Variants in HSD17B14 observed in about 807,000 individuals in gnomAD.
HSD17B14 encodes the protein hydroxysteroid 17-beta dehydrogenase 14.
A neutral mutation model predicts 32.2 loss-of-function variants in HSD17B14; 32 were observed. The observed-to-expected ratio is 0.99, with a 90% confidence interval of 0.75 to 1.33. The LOEUF (loss-of-function observed/expected upper bound fraction) is 1.33. HSD17B14 is among the 40% of genes most tolerant of loss of function. The pLI, the probability that HSD17B14 is intolerant of heterozygous loss-of-function variation, is 0.00. For missense variants in HSD17B14, 370 were observed against 366.5 expected (o/e 1.01, Z -0.08); for synonymous variants, 140 against 155.4 (o/e 0.90, Z 0.74).
At chr19:48,814,542 A>G (rs1229531105) in intron 6 of HSD17B14, among the ~76,000 whole-genome samples, 1 of 150,918 alleles carries the variant, frequency 6.6e-6, no homozygotes, top group Non-Finnish European at 1.5e-5. Flanking sequence ...GAAAGAAAGA[A>G]AAGAAAAAAC....
chr19:48,829,665 G>C (rs1428116859), intron 5 of HSD17B14, among the ~76,000 whole-genome samples: 1 of 103,800 alleles, frequency 9.6e-6, no homozygotes, highest in Non-Finnish European at 1.9e-5. Flanking sequence ...TTTGTGAGAC[G>C]GAGTTTCCGC....
intron 2 of HSD17B14, 31 bp downstream of exon 2, chr19:48,835,774 C>G: frequency 6.2e-7 from 1 of 1,612,682 alleles, no homozygotes; most frequent in Non-Finnish European, 8.5e-7. Context: ...GGAGGAAGGG[C>G]CAAGGTGAGG....
intron 2 of HSD17B14, among the ~76,000 whole-genome samples, chr19:48,834,752 C>T (rs1345948723): frequency 1.2e-4 from 12 of 102,576 alleles, no homozygotes; most frequent in South Asian, 1.2e-3. Context: ...GGGCTGGGAG[C>T]CTGGACTCCT....
At chr19:48,824,938 T>G (rs1249480285) in intron 5 of HSD17B14, among the ~76,000 whole-genome samples, 2 of 151,956 alleles carry the variant, frequency 1.3e-5, no homozygotes, top group Non-Finnish European at 2.9e-5. Context: ...ATGAAGTTCC[T>G]ACTGATAAAA....
chr19:48,833,334 C>T (rs1487072309), intron 3 of HSD17B14, among the ~76,000 whole-genome samples: 3 of 151,794 alleles, frequency 2.0e-5, no homozygotes, highest in African/African-American at 7.3e-5. Context: ...CCAAGGGGGG[C>T]AGATAACAGA....
chr19:48,834,929 C>A, intron 2 of HSD17B14, among the ~76,000 whole-genome samples: 1 of 55,398 alleles, frequency 1.8e-5, no homozygotes, highest in Non-Finnish European at 3.4e-5. Context: ...GGAGGAAGGG[C>A]TGGGAGCCTG....
chr19:48,816,832 C>CTT (rs1299846573), intron 5 of HSD17B14, among the ~76,000 whole-genome samples: 19 of 41,308 alleles, frequency 4.6e-4, no homozygotes, highest in South Asian at 3.2e-3. Context: ...TCTTTTCTTT[C>CTT]TCTCTCTCTC....
Position 48,835,859 on chromosome 19 carries a change from G to T in HSD17B14, c.89-16C>A. On this transcript the variant is annotated splice_polypyrimidine_tract_variant and intron_variant, in intron 1 of 8. Transcript: ENST00000263278. The stretch of plus-strand genomic sequence containing the variant: ...CCGCTGTTCACTGAGAATAGGAAGG[G>T]AACAGGTTACTCTCCGAGCCTTGGT... The T allele has an allele frequency of 6.2e-7, 1 of 1,613,138 alleles. No individual in the cohort carries two copies. The highest frequency in any genetic ancestry group is 8.5e-7 in the Non-Finnish European group (1 of 1,179,438).
At chr19:48,834,395 G>A (rs1402038830) in intron 2 of HSD17B14, 37 bp from the exon 3 acceptor site, 2 of 1,353,980 alleles carry the variant, frequency 1.5e-6, no homozygotes, top group African/African-American at 1.4e-5. Flanking sequence ...TGGACCCCTG[G>A]GTCTCAGGGA....
chr19:48,819,826 T>C (rs1399266454), intron 5 of HSD17B14, among the ~76,000 whole-genome samples: 1 of 152,190 alleles, frequency 6.6e-6, no homozygotes, highest in Non-Finnish European at 1.5e-5. Flanking sequence ...TACATGTACC[T>C]GGCTCCCTGC....
At position 48,836,372 on chromosome 19, in the gene HSD17B14, C is replaced by T. The variant is rs2035516576; in HGVS notation, c.40G>A (p.Val14Met). Residue 14 changes from valine (V) to methionine (M), a missense_variant, in exon 1 of 9, where the codon GTG becomes ATG. By Grantham distance (21) the Val-to-Met change is conservative. Coordinates refer to ENST00000263278, the MANE Select transcript of HSD17B14 (RefSeq NM_016246.3). ...GTRYAGKVVV[V>M]TGGGRGIGAG... Reference sequence around the variant, plus strand: ...CCGATGCCGCGCCCGCCCCCGGTCACGACCACCACCTTCCCGGCATAGCGC... The same window carrying T: ...CCGATGCCGCGCCCGCCCCCGGTCATGACCACCACCTTCCCGGCATAGCGC... The T allele has an allele frequency of 6.2e-6, 10 of 1,613,800 alleles. No homozygotes were observed. The South Asian group carries it at 1.1e-4, about 18-fold the overall frequency.
chr19:48,831,640 G>C (rs777452733), intron 5 of HSD17B14, 28 bp downstream of exon 5: 1 of 1,535,782 alleles, frequency 6.5e-7, no homozygotes, highest in Non-Finnish European at 9.0e-7. Context: ...GGCTGCTCGG[G>C]CCTGGCGGCA....
Position 48,813,196 on chromosome 19 carries a change from G to T in HSD17B14, c.792C>A (p.Asp264Glu). The T allele has an allele frequency of 6.2e-7, 1 of 1,602,236 alleles. No individual in the cohort carries two copies. The highest frequency in any genetic ancestry group is 2.2e-5 in the East Asian group (1 of 44,670). ...GAAATCAGGAAGGGATATCGGGGGC[G>T]TCCACGGGGGTGCTCCGACTGGCCT... The part of the protein sequence containing the change: ...GCKASRSTPV[D>E]APDIPS Residue 264 changes from aspartate (D) to glutamate (E), a missense_variant, in exon 9 of 9, where the codon GAC becomes GAA. Asp to Glu is a conservative substitution (Grantham distance 45, BLOSUM62 2). Transcript: ENST00000263278.
rs756337654 is a variant in HSD17B14 at position 48,835,806 on chromosome 19, A to G, written c.126T>C (p.Asp42=). ...SGARVVICDK[D]ESGGRALEQE... ...GAGGGCTGAGGGACCGTCACTCACCATCCTTGTCGCAGATAACCACTCGGG... is the reference window on the plus strand; with the variant it reads ...GAGGGCTGAGGGACCGTCACTCACCGTCCTTGTCGCAGATAACCACTCGGG... Residue 42 remains aspartate (D), a splice_region_variant and synonymous_variant, in exon 2 of 9, where the codon GAT becomes GAC. Coordinates refer to ENST00000263278, the MANE Select transcript of HSD17B14 (RefSeq NM_016246.3). 14 of 1,613,510 alleles carry G rather than the reference A, an allele frequency of 8.7e-6. No individual in the cohort carries two copies. Among genetic ancestry groups the G allele is most frequent in the Non-Finnish European group, 7.6e-6 (9 of 1,179,732 alleles).
intron 4 of HSD17B14, 37 bp downstream of exon 4, chr19:48,832,629 A>C (rs1333043382): frequency 6.4e-7 from 1 of 1,571,188 alleles, no homozygotes; most frequent in Non-Finnish European, 8.7e-7. Context: ...GTTGGGGGGC[A>C]GGAGGTGGAG....
Position 48,835,807 on chromosome 19 carries a change from T to A in HSD17B14, c.125A>T (p.Asp42Val). The change falls in exon 2 of 9, where the codon GAT (aspartate) becomes GTT (valine). Residue 42 changes from aspartate (D) to valine (V), a missense_variant and splice_region_variant. By Grantham distance (152) the Asp-to-Val change is radical. Transcript: ENST00000263278. ...AGGGCTGAGGGACCGTCACTCACCATCCTTGTCGCAGATAACCACTCGGGC... is the reference window on the plus strand; with the variant it reads ...AGGGCTGAGGGACCGTCACTCACCAACCTTGTCGCAGATAACCACTCGGGC... ...SGARVVICDKDESGGRALEQE... is the reference protein window; with the variant it reads ...SGARVVICDKVESGGRALEQE... 2 of 1,613,556 alleles carry A rather than the reference T, an allele frequency of 1.2e-6. No homozygotes were observed. The highest frequency in any genetic ancestry group is 1.7e-6 in the Non-Finnish European group (2 of 1,179,694).
rs759861638 is a variant in HSD17B14 at position 48,832,635 on chromosome 19, T to C, written c.277+31A>G. 4 of 1,596,090 alleles carry C rather than the reference T, an allele frequency of 2.5e-6. No individual in the cohort carries two copies. The South Asian group carries it at 3.3e-5, about 13-fold the overall frequency. Reference sequence around the variant, plus strand: ...GGAAACAGAGTTGGGGGGCAGGAGGTGGAGAATGGCCCTGGGGTCTCACAA... The same window carrying C: ...GGAAACAGAGTTGGGGGGCAGGAGGCGGAGAATGGCCCTGGGGTCTCACAA... On this transcript the variant is annotated intron_variant, in intron 4 of 8. Coordinates refer to ENST00000263278, the MANE Select transcript of HSD17B14 (RefSeq NM_016246.3).
At chr19:48,825,509 CTA>C (rs1208348930) in intron 5 of HSD17B14, among the ~76,000 whole-genome samples, 2 of 151,998 alleles carry the variant, frequency 1.3e-5, no homozygotes, top group East Asian at 3.9e-4. Flanking sequence ...GGGTCTGGTG[CTA>C]TGTTGCCCAG....
chr19:48,834,221 G>C, intron 3 of HSD17B14, 55 bp downstream of exon 3: 7 of 1,424,226 alleles, frequency 4.9e-6, no homozygotes, highest in Non-Finnish European at 6.9e-6. Context: ...GGCTGGAGGA[G>C]AACAAAGAAC....
Sources: allele counts gnomAD v4.1 joint callset (sites outside exome capture counted in the v4.1 genomes callset), GRCh38; gene constraint gnomAD v4.1.1; transcripts MANE v1.5; gene names NCBI Gene and HGNC (gene_info 2026-07-23, HGNC 2026-07-21).